MDGA2: variants seen among roughly 807,000 people sequenced by gnomAD.
MDGA2 encodes the protein MAM domain-containing glycosylphosphatidylinositol anchor protein 2.
MDGA2 carries 40 observed loss-of-function variants against 117.8 expected under a neutral mutation model. That is an observed-to-expected ratio of 0.34 (90% CI 0.26 to 0.44). MDGA2 has a LOEUF of 0.44. Among genes scored for constraint, MDGA2 ranks in the 20% least tolerant of loss-of-function variants. The pLI is 1.00. For missense variants in MDGA2, 1,123 were observed against 1,250.6 expected, an observed-to-expected ratio of 0.90 and a Z score of 1.54; for synonymous variants, 452 against 439.0, an observed-to-expected ratio of 1.03 and a Z score of -0.37.
At chr14:47,031,771 T>G (rs1328334600) in intron 8 of MDGA2, among the ~76,000 whole-genome samples, 1 of 152,110 alleles carries the variant, frequency 6.6e-6, no homozygotes, top group African/African-American at 2.4e-5. Context: ...TCATGAGACG[T>G]ATTCATTTAA....
intron 15 of MDGA2, among the ~76,000 whole-genome samples, chr14:46,846,974 A>G (rs1379105657): frequency 2.0e-5 from 3 of 152,064 alleles, no homozygotes; most frequent in African/African-American, 7.2e-5. Context: ...TTTTATTTGA[A>G]AACATCTCCT....
rs1890175110 is a variant in MDGA2 at position 47,327,388 on chromosome 14, T to A, written c.281-25838A>T. Among the ~76,000 whole-genome samples the A allele has an allele frequency of 2.0e-5, 3 of 152,164 alleles. No homozygotes were observed. The South Asian group carries it at 6.2e-4, about 32-fold the overall frequency. On this transcript the variant is annotated intron_variant, in intron 1 of 16. Transcript: ENST00000399232. The stretch of plus-strand genomic sequence containing the variant: ...TATATAACAGTTTTGTCTTTGACAT[T>A]AAATTGTATGAATTCAGGCCTACAT...
Position 47,447,180 on chromosome 14 carries a change from G to A in MDGA2, c.281-145630C>T, listed in dbSNP as rs79666895. On this transcript the variant is annotated intron_variant, in intron 1 of 16. Transcript: ENST00000399232. The stretch of plus-strand genomic sequence containing the variant: ...TAGCAATAAAACTGTTTAGTCCAGG[G>A]AGCTACTGACTTCACAGAAGGTAAT... Among the ~76,000 whole-genome samples the A allele has an allele frequency of 1.7e-3, 266 of 152,160 alleles. 3 individuals are homozygous for A. Among genetic ancestry groups the A allele is most frequent in the African/African-American group, 5.7e-3 (238 of 41,530 alleles).
chr14:47,000,116 AAG>A (rs1887449684), intron 8 of MDGA2, among the ~76,000 whole-genome samples: 1 of 151,178 alleles, frequency 6.6e-6, no homozygotes, highest in Non-Finnish European at 1.5e-5. Flanking sequence ...TATAGCTAAA[AAG>A]TTACATGAAT....
chr14:47,652,219 T>C (rs1343570499), intron 1 of MDGA2, among the ~76,000 whole-genome samples: 2 of 152,214 alleles, frequency 1.3e-5, no homozygotes, highest in Admixed American at 1.3e-4. Flanking sequence ...CTAGAAAGTA[T>C]TATTGCTTTC....
intron 1 of MDGA2, among the ~76,000 whole-genome samples, chr14:47,325,399 T>C (rs1890114828): frequency 6.6e-6 from 1 of 152,154 alleles, no homozygotes; most frequent in Non-Finnish European, 1.5e-5. Flanking sequence ...CTATTGATTG[T>C]CAGAAAATAA....
intron 11 of MDGA2, among the ~76,000 whole-genome samples, chr14:46,879,924 C>T (rs2138383405): frequency 6.6e-6 from 1 of 152,230 alleles, no homozygotes; most frequent in African/African-American, 2.4e-5. Flanking sequence ...TCACTACTTT[C>T]CCCTTAAGCA....
At chr14:46,945,594 G>A (rs1310924237) in intron 9 of MDGA2, among the ~76,000 whole-genome samples, 1 of 151,940 alleles carries the variant, frequency 6.6e-6, no homozygotes, top group Non-Finnish European at 1.5e-5. Flanking sequence ...ACAGTATTTT[G>A]TCCTGCAGAT....
At chr14:47,389,733 G>GA (rs1423188798) in intron 1 of MDGA2, among the ~76,000 whole-genome samples, 1 of 151,938 alleles carries the variant, frequency 6.6e-6, no homozygotes, top group African/African-American at 2.4e-5. Context: ...GCCTCAGGGT[G>GA]AAAAAAGGGG....
chr14:47,467,733 A>G (rs1055388328), intron 1 of MDGA2, among the ~76,000 whole-genome samples: 1 of 152,100 alleles, frequency 6.6e-6, no homozygotes, highest in Non-Finnish European at 1.5e-5. Flanking sequence ...AGTTGTTCTG[A>G]TGATTCAATA....
At chr14:47,221,427 G>A (rs916948597) in intron 2 of MDGA2, among the ~76,000 whole-genome samples, 7 of 152,162 alleles carry the variant, frequency 4.6e-5, no homozygotes, top group South Asian at 2.1e-4. Flanking sequence ...GGTGGCTCAC[G>A]CCTGTAATCC....
chr14:46,882,396 A>G (rs1206747181), intron 10 of MDGA2, among the ~76,000 whole-genome samples, 175 bp from the exon 11 acceptor site: 1 of 151,872 alleles, frequency 6.6e-6, no homozygotes. Context: ...GTTTGCATGC[A>G]TATGTTTGCA....
At chr14:47,240,285 C>A (rs1328226800) in intron 2 of MDGA2, among the ~76,000 whole-genome samples, 2 of 151,764 alleles carry the variant, frequency 1.3e-5, no homozygotes, top group Admixed American at 1.3e-4. Flanking sequence ...ACCTCCTGAT[C>A]CACCCACCTT....
chr14:47,497,518 A>G (rs561541542), intron 1 of MDGA2, among the ~76,000 whole-genome samples: 56 of 152,138 alleles, frequency 3.7e-4, no homozygotes, highest in African/African-American at 1.3e-3. Context: ...TCAACCTCCT[A>G]AAGTGTTGGG....
At chr14:47,601,737 AGGTCAAAG>A (rs1177370342) in intron 1 of MDGA2, among the ~76,000 whole-genome samples, 3 of 152,166 alleles carry the variant, frequency 2.0e-5, no homozygotes, top group Non-Finnish European at 4.4e-5. Context: ...ATCTGAGACA[AGGTCAAAG>A]GGTCATGTTT....
intron 8 of MDGA2, among the ~76,000 whole-genome samples, chr14:46,965,718 G>T (rs908343191): frequency 6.6e-6 from 1 of 152,096 alleles, no homozygotes; most frequent in Non-Finnish European, 1.5e-5. Context: ...TTGCAGTTAT[G>T]ATGAAATGTA....
intron 1 of MDGA2, among the ~76,000 whole-genome samples, chr14:47,536,459 T>C (rs1895212601): frequency 6.6e-6 from 1 of 152,216 alleles, no homozygotes; most frequent in African/African-American, 2.4e-5. Context: ...GAGTCTCACA[T>C]TGCTGCAGCA....
chr14:47,343,101 G>T, intron 1 of MDGA2: 1 of 1,254,154 alleles, frequency 8.0e-7, no homozygotes, highest in Non-Finnish European at 1.0e-6. Context: ...GCCTCACCTT[G>T]AATAACCAGA....
At chr14:47,443,289 C>A (rs1487150243) in intron 1 of MDGA2, among the ~76,000 whole-genome samples, 1 of 152,000 alleles carries the variant, frequency 6.6e-6, no homozygotes, top group Non-Finnish European at 1.5e-5. Flanking sequence ...ATATAAAAGG[C>A]ATTAAATTTG....
Sources: gnomAD v4.1 joint callset for allele counts (sites outside exome capture counted in the v4.1 genomes callset) on GRCh38, gnomAD v4.1.1 for gene constraint, MANE v1.5 for transcripts, NCBI Gene and HGNC (gene_info 2026-07-23, HGNC 2026-07-21) for gene names.